DZANK1: variants seen among roughly 807,000 people sequenced by gnomAD.
DZANK1 encodes the protein double zinc ribbon and ankyrin repeat domains 1, also known as double zinc ribbon and ankyrin repeat-containing protein 1.
Under a neutral mutation model 94.5 loss-of-function variants are expected in DZANK1, and 91 were observed. The ratio of observed to expected loss-of-function variants is 0.96; its 90% CI spans 0.81 to 1.15. The LOEUF (loss-of-function observed/expected upper bound fraction) is 1.15. DZANK1 is among the 50% of genes most tolerant of loss of function. DZANK1 has a pLI of 0.00. For missense variants in DZANK1, 903 were observed against 916.4 expected (o/e 0.99, Z 0.19); for synonymous variants, 312 against 325.3 (o/e 0.96, Z 0.44).
At chr20:18,432,637 A>G (rs2058328851) in intron 9 of DZANK1, 1 of 152,232 alleles carries the variant, frequency 6.6e-6, no homozygotes, top group Non-Finnish European at 1.5e-5. Flanking sequence ...CATTTTGCCC[A>G]TATACAACCC....
chr20:18,399,825 C>T lies in DZANK1; in HGVS notation c.1433-1199G>A, dbSNP rs546662129. Among the ~76,000 whole-genome samples, 395 of 152,312 alleles carry T rather than the reference C, an allele frequency of 2.6e-3. 5 individuals are homozygous for T. The highest frequency in any genetic ancestry group is 8.9e-3 in the African/African-American group (369 of 41,562). ...CTGGCTGCTTTGGACAGGGCACAGG[C>T]TCTCCAGCCAGCCACAGCCCCTGCT... On this transcript the variant is annotated intron_variant, in intron 13 of 20. Coordinates refer to ENST00000262547, the Ensembl canonical transcript of DZANK1.
At position 18,432,352 on chromosome 20, in the gene DZANK1, G is replaced by A. The variant is rs190674036; in HGVS notation, c.861+1300C>T. On this transcript the variant is annotated intron_variant, in intron 9 of 20. Transcript: ENST00000262547. Reference sequence around the variant, plus strand: ...CAAAATAACACAGGCTTAAATAAGAGAAAAATAGATTTCTCTCTCCCATAT... The same window carrying A: ...CAAAATAACACAGGCTTAAATAAGAAAAAAATAGATTTCTCTCTCCCATAT... The A allele has an allele frequency of 3.3e-5, 5 of 152,238 alleles. 1 individual carries two copies. Among genetic ancestry groups the A allele is most frequent in the Admixed American group, 3.3e-4 (5 of 15,288 alleles). The allele number at this position is 152,238 out of a possible 1,614,324, so 9.4% of individuals were successfully genotyped here. A position where few individuals can be genotyped will look rare whatever the true frequency, so the allele number is the denominator to read the frequency against.
At chr20:18,424,175 C>T (rs988258940) in intron 10 of DZANK1, among the ~76,000 whole-genome samples, 7 of 152,104 alleles carry the variant, frequency 4.6e-5, no homozygotes, top group Non-Finnish European at 8.8e-5. Context: ...ACCGGCCGGG[C>T]GCGGTGGCTC....
At chr20:18,453,593 A>G in intron 5 of DZANK1, 138 bp downstream of exon 5, 1 of 640,498 alleles carries the variant, frequency 1.6e-6, no homozygotes, top group South Asian at 1.9e-5. Context: ...ATTAAAATTC[A>G]AAGTACAGCA....
chr20:18,408,387 A>G (rs1377353072), intron 13 of DZANK1, among the ~76,000 whole-genome samples: 1 of 152,232 alleles, frequency 6.6e-6, no homozygotes, highest in African/African-American at 2.4e-5. Context: ...AGAGAAAACT[A>G]TCAACATTCA....
At chr20:18,411,647 A>T (rs1374824459) in intron 13 of DZANK1, among the ~76,000 whole-genome samples, 2 of 152,244 alleles carry the variant, frequency 1.3e-5, no homozygotes, top group African/African-American at 2.4e-5. Context: ...AGACAGTAGA[A>T]GGAAAGAAGA....
chr20:18,414,547 G>A (rs1324109679), intron 11 of DZANK1, 35 bp from the exon 12 acceptor site: 25 of 1,554,722 alleles, frequency 1.6e-5, no homozygotes, highest in Non-Finnish European at 2.2e-5. Flanking sequence ...GAATATTAGA[G>A]TTATAATTTC....
chr20:18,449,046 G>A (rs376124830), exon 7 of DZANK1: 91 of 1,613,518 alleles, frequency 5.6e-5, no homozygotes, highest in Middle Eastern at 3.3e-4. Flanking sequence ...ACTTCTGACC[G>A]CTTACGTGTG....
chr20:18,395,791 CACA>C (rs1568884794), intron 15 of DZANK1, among the ~76,000 whole-genome samples: 1 of 152,178 alleles, frequency 6.6e-6, no homozygotes, highest in African/African-American at 2.4e-5. Flanking sequence ...CTGCTCTAGT[CACA>C]ACAATTAAAA....
At chr20:18,465,541 TGCTG>T in intron 1 of DZANK1, 164 bp from the exon 2 acceptor site, 1 of 303,748 alleles carries the variant, frequency 3.3e-6, no homozygotes, top group East Asian at 5.2e-5. Flanking sequence ...CATCTGTATT[TGCTG>T]TTGAGGTCTT....
intron 8 of DZANK1, among the ~76,000 whole-genome samples, chr20:18,442,266 T>C (rs2058735819): frequency 6.6e-6 from 1 of 152,176 alleles, no homozygotes; most frequent in African/African-American, 2.4e-5. Flanking sequence ...TCCAGGCAAG[T>C]AGAAAATAAT....
At chr20:18,387,260 G>T (rs998592794) in intron 19 of DZANK1, among the ~76,000 whole-genome samples, 1 of 152,150 alleles carries the variant, frequency 6.6e-6, no homozygotes, top group Non-Finnish European at 1.5e-5. Context: ...TATTGCATGG[G>T]GGGTTTGCTG....
chr20:18,453,880 T>C (rs761277068), intron 4 of DZANK1, 53 bp from the exon 5 acceptor site: 2 of 1,084,764 alleles, frequency 1.8e-6, no homozygotes, highest in South Asian at 2.5e-5. Flanking sequence ...ATGTGAGAAT[T>C]AAAGCTGCAT....
intron 13 of DZANK1, 31 bp downstream of exon 13, chr20:18,412,615 C>T (rs368304278): frequency 1.6e-5 from 26 of 1,600,512 alleles, no homozygotes; most frequent in African/African-American, 6.7e-5. Flanking sequence ...AATTCCCTCC[C>T]GACCAGAAGA....
chr20:18,446,270 G>A (rs1568996210), intron 7 of DZANK1, among the ~76,000 whole-genome samples: 1 of 151,990 alleles, frequency 6.6e-6, no homozygotes, highest in Non-Finnish European at 1.5e-5. Flanking sequence ...CGAAAGGAAG[G>A]AAGGAAAGAA....
intron 10 of DZANK1, 22 bp from the exon 11 acceptor site, chr20:18,415,471 A>G (rs1451460826): frequency 2.7e-6 from 4 of 1,485,132 alleles, no homozygotes; most frequent in Non-Finnish European, 3.6e-6. Flanking sequence ...AATGGCATTT[A>G]AAGGCAGGAT....
Position 18,422,896 on chromosome 20 carries a change from C to T in DZANK1, c.954+4171G>A, listed in dbSNP as rs575082405. 3.4e-5 allele frequency among the ~76,000 whole-genome samples: 5 copies of T among 146,966 alleles called. No individual in the cohort carries two copies. The South Asian group carries it at 1.1e-3, about 32-fold the overall frequency. Reference sequence around the variant, plus strand: ...TTTTTTCTATTTCTGTGAAAAATGTCAGCAAAATTTTGATAGGGATTGCAT... The same window carrying T: ...TTTTTTCTATTTCTGTGAAAAATGTTAGCAAAATTTTGATAGGGATTGCAT... On this transcript the variant is annotated intron_variant, in intron 10 of 20. Transcript: ENST00000262547.
intron 10 of DZANK1, chr20:18,421,243 C>T (rs2057764789): frequency 1.2e-5 from 2 of 165,494 alleles, no homozygotes; most frequent in Non-Finnish European, 2.8e-5. Context: ...TCAAGTTTTA[C>T]CTTTTGGATT....
chr20:18,438,615 G>A (rs62207861), intron 8 of DZANK1, among the ~76,000 whole-genome samples: 40,213 of 152,132 alleles, frequency 0.26, 5,694 homozygotes, highest in South Asian at 0.35. Context: ...ATGATAAGAA[G>A]GTCAATAGTC....
Sources: allele counts gnomAD v4.1 joint callset (sites outside exome capture counted in the v4.1 genomes callset), GRCh38; gene constraint gnomAD v4.1.1; transcripts MANE v1.5; gene names NCBI Gene and HGNC (gene_info 2026-07-23, HGNC 2026-07-21).